The following TEX11 variants were observed in gnomAD, a reference collection of about 807,000 sequenced individuals.
TEX11 encodes testis expressed 11, also known as testis-expressed protein 11.
TEX11 carries 7 observed loss-of-function variants against 84.4 expected under a neutral mutation model. That is an observed-to-expected ratio of 0.08 (90% CI 0.05 to 0.16). The LOEUF (loss-of-function observed/expected upper bound fraction) is 0.16. TEX11 is among the 10% of genes least tolerant of loss of function. The pLI is 1.00. For missense variants in TEX11, 551 were observed against 660.5 expected (o/e 0.83, Z 1.82); for synonymous variants, 264 against 222.8 (o/e 1.18, Z -1.64).
At chrX:70,580,490 C>T (rs1218223453) in intron 25 of TEX11, among the ~76,000 whole-genome samples, 2 of 112,227 alleles carry the variant, frequency 1.8e-5, no homozygotes, top group African/African-American at 3.2e-5. Flanking sequence ...GATGTGATGG[C>T]TACTTCATGT....
chrX:70,729,681 G>C (rs1205506283), intron 11 of TEX11, among the ~76,000 whole-genome samples: 4 of 112,056 alleles, frequency 3.6e-5, no homozygotes, highest in African/African-American at 9.7e-5. Flanking sequence ...ATCTGCGTCT[G>C]ATTGGTGTAC....
chrX:70,617,205 T>G (rs1217673231), intron 20 of TEX11, among the ~76,000 whole-genome samples: 1 of 109,088 alleles, frequency 9.2e-6, no homozygotes, highest in African/African-American at 3.3e-5. Flanking sequence ...CAAAGAAAGT[T>G]GAAGGAATTT....
intron 2 of TEX11, among the ~76,000 whole-genome samples, chrX:70,880,861 A>G (rs1183692677): frequency 9.2e-6 from 1 of 108,867 alleles, no homozygotes; most frequent in Non-Finnish European, 1.9e-5. Context: ...GAATCTTACC[A>G]GGCCATGGAA....
Position 70,767,236 on chromosome X carries a change from CA to C in TEX11, c.693-23018del, listed in dbSNP as rs751748893. 3.7e-3 allele frequency among the ~76,000 whole-genome samples: 415 copies of C among 111,566 alleles called. 2 individuals carry two copies. Among genetic ancestry groups the C allele is most frequent in the Middle Eastern group, 9.1e-3 (2 of 219 alleles). ...ACCCATCTAATAAGGGGTTAATGAG[CA>C]GAATATATAAGAAGCTTAAATAACT... On this transcript the variant is annotated intron_variant, in intron 9 of 29. Transcript: ENST00000374333.
chrX:70,647,665 CA>C (rs749445416), intron 17 of TEX11, among the ~76,000 whole-genome samples: 68 of 56,172 alleles, frequency 1.2e-3, no homozygotes, highest in Admixed American at 3.8e-3. Flanking sequence ...GACCTTGCTT[CA>C]AAAAAATAAA....
intron 9 of TEX11, among the ~76,000 whole-genome samples, chrX:70,756,607 C>T (rs2090869647): frequency 8.9e-6 from 1 of 111,854 alleles, no homozygotes; most frequent in Non-Finnish European, 1.9e-5. Flanking sequence ...AAAACCCCAT[C>T]TGTAGGTCAC....
intron 25 of TEX11, among the ~76,000 whole-genome samples, chrX:70,559,288 T>C (rs947880220): frequency 9.8e-5 from 11 of 112,291 alleles, no homozygotes; most frequent in African/African-American, 3.6e-4. Context: ...TTCAAAAATA[T>C]GCTAAGTGAA....
rs188053960 is a variant in TEX11 at position 70,874,961 on chromosome X, G to A, written c.160-1654C>T. On this transcript the variant is annotated intron_variant, in intron 3 of 29. Coordinates refer to ENST00000374333, the MANE Select transcript of TEX11 (RefSeq NM_031276.3). ...AGGCCGAGGCGGTCGGATTGCCTGAGGTCAGGTGTTCGAGACCAGCCTGGC... is the reference window on the plus strand; with the variant it reads ...AGGCCGAGGCGGTCGGATTGCCTGAAGTCAGGTGTTCGAGACCAGCCTGGC... Among the ~76,000 whole-genome samples the A allele has an allele frequency of 7.6e-3, 830 of 109,478 alleles. 13 individuals carry two copies. Among genetic ancestry groups the A allele is most frequent in the Admixed American group, 0.032 (328 of 10,247 alleles).
chrX:70,886,491 G>A (rs1436788162), intron 2 of TEX11, among the ~76,000 whole-genome samples: 2 of 111,574 alleles, frequency 1.8e-5, no homozygotes, highest in Non-Finnish European at 3.8e-5. Flanking sequence ...AGTCAAGCAA[G>A]ATGAATAAGC....
chrX:70,656,094 C>T (rs998096963), intron 16 of TEX11, among the ~76,000 whole-genome samples: 1 of 96,622 alleles, frequency 1.0e-5, no homozygotes, highest in African/African-American at 3.6e-5. Flanking sequence ...TATTAAGAGA[C>T]TTTAGCAAAG....
At chrX:70,784,383 G>C (rs1284472839) in intron 9 of TEX11, among the ~76,000 whole-genome samples, 1 of 111,271 alleles carries the variant, frequency 9.0e-6, no homozygotes, top group Non-Finnish European at 1.9e-5. Flanking sequence ...ATACTGAATG[G>C]GCAACAACTG....
chrX:70,518,752 T>C, the TEX11 span, among the ~76,000 whole-genome samples: 1 of 111,611 alleles, frequency 9.0e-6, no homozygotes. Context: ...TGTGTGGGAG[T>C]CTAAGTCTCT....
At chrX:70,686,996 C>A (rs756604110) in intron 13 of TEX11, among the ~76,000 whole-genome samples, 1 of 111,683 alleles carries the variant, frequency 9.0e-6, no homozygotes, top group Non-Finnish European at 1.9e-5. Flanking sequence ...ATGATTAGAT[C>A]GGTTTACTTT....
Position 70,571,928 on chromosome X carries a change from C to T in TEX11, c.2141-17128G>A, listed in dbSNP as rs73538799. Among the ~76,000 whole-genome samples, 820 of 111,292 alleles carry T rather than the reference C, an allele frequency of 7.4e-3. 11 individuals carry two copies. The highest frequency in any genetic ancestry group is 0.025 in the African/African-American group (768 of 30,735). ...TACACAACTTATTCTGATCAGGAGA[C>T]ATTGTGCTAAGATAACTGTACAAGA... is the stretch of plus-strand genomic sequence containing the variant. On this transcript the variant is annotated intron_variant, in intron 25 of 29. Transcript: ENST00000374333.
chrX:70,775,442 CA>C (rs1294751842), intron 9 of TEX11, among the ~76,000 whole-genome samples: 1 of 110,758 alleles, frequency 9.0e-6, no homozygotes, highest in Admixed American at 9.7e-5. Flanking sequence ...ATTCATTCTA[CA>C]AGGGACTAAT....
In TEX11 at chrX:70,556,701, A is replaced by G. The variant is rs776113650; in HGVS notation, c.2141-1901T>C. On this transcript the variant is annotated intron_variant, in intron 25 of 29. Transcript: ENST00000374333. Reference sequence around the variant, plus strand: ...TATTGAGTATTTGTTGACCTATTCTATTGATTACTAAGAAAGGAATATTCA... The same window carrying G: ...TATTGAGTATTTGTTGACCTATTCTGTTGATTACTAAGAAAGGAATATTCA... 1.1e-4 allele frequency among the ~76,000 whole-genome samples: 12 copies of G among 111,466 alleles called. No homozygotes were observed. The East Asian group carries it at 3.4e-3, about 31-fold the overall frequency.
intron 15 of TEX11, among the ~76,000 whole-genome samples, chrX:70,676,793 A>G (rs768696933): frequency 9.0e-6 from 1 of 111,197 alleles, no homozygotes; most frequent in African/African-American, 3.3e-5. Context: ...TGTGTATTTC[A>G]TTTTCAATAG....
intron 9 of TEX11, among the ~76,000 whole-genome samples, chrX:70,798,905 G>A (rs2091171387): frequency 9.0e-6 from 1 of 110,692 alleles, no homozygotes; most frequent in Non-Finnish European, 1.9e-5. Flanking sequence ...GAAAACTGGG[G>A]GAAAGCTTAT....
At chrX:70,753,646 G>A (rs1253797980) in intron 9 of TEX11, among the ~76,000 whole-genome samples, 1 of 110,899 alleles carries the variant, frequency 9.0e-6, no homozygotes, top group East Asian at 2.8e-4. Flanking sequence ...GGCTTCAGGT[G>A]AGACTCAGTG....
Sources: allele counts gnomAD v4.1 joint callset (sites outside exome capture counted in the v4.1 genomes callset), GRCh38; gene constraint gnomAD v4.1.1; transcripts MANE v1.5; gene names NCBI Gene and HGNC (gene_info 2026-07-23, HGNC 2026-07-21).